The following GLIS3 variants were observed in gnomAD, a reference collection of about 807,000 sequenced individuals.
GLIS3 encodes the protein zinc finger protein GLIS3.
Under a neutral mutation model 78.6 loss-of-function variants are expected in GLIS3, and 53 were observed. That is an observed-to-expected ratio of 0.67 (90% CI 0.54 to 0.85). GLIS3 has a LOEUF of 0.85. Among genes scored for constraint, GLIS3 ranks in the 40% least tolerant of loss-of-function variants. The probability of loss-of-function intolerance (pLI) is 0.00; values close to 1 mark genes in which losing one functional copy is unlikely to be tolerated. For missense variants in GLIS3, 1,703 were observed against 1,231.1 expected (o/e 1.38, Z -5.74); for synonymous variants, 684 against 509.9 (o/e 1.34, Z -4.60).
intron 2 of GLIS3, among the ~76,000 whole-genome samples, chr9:4,222,131 C>G (rs1043476799): frequency 6.6e-6 from 1 of 152,220 alleles, no homozygotes; most frequent in East Asian, 1.9e-4. Context: ...CTCCCTCCCT[C>G]TTCTCCACCA....
the GLIS3 span, among the ~76,000 whole-genome samples, chr9:4,454,787 T>C: frequency 1.3e-5 from 2 of 152,190 alleles, no homozygotes; most frequent in Admixed American, 6.5e-5. Context: ...GGGGAGTTAT[T>C]CAAGAAAGAA....
chr9:4,307,331 A>G (rs1817252040), intron 4 of GLIS3, among the ~76,000 whole-genome samples: 2 of 152,176 alleles, frequency 1.3e-5, no homozygotes, highest in Admixed American at 6.5e-5. Flanking sequence ...AACAAGATCT[A>G]TTGTATAAAT....
intron 10 of GLIS3, 124 bp from the exon 11 acceptor site, chr9:3,828,532 C>G: frequency 8.0e-7 from 1 of 1,242,916 alleles, no homozygotes; most frequent in Admixed American, 1.9e-5. Flanking sequence ...CCATGCCAGC[C>G]TGGGCCCTAT....
the GLIS3 span, among the ~76,000 whole-genome samples, chr9:4,386,016 T>C: frequency 6.6e-6 from 1 of 152,228 alleles, no homozygotes; most frequent in African/African-American, 2.4e-5. Context: ...ATGGCATCTT[T>C]GCTGCCTCAT....
At position 4,162,713 on chromosome 9, in the gene GLIS3, TG is replaced by T. The variant is rs565432371; in HGVS notation, c.389-36773del. Among the ~76,000 whole-genome samples, 662 of 151,798 alleles carry T rather than the reference TG, an allele frequency of 4.4e-3. 7 individuals carry two copies. The highest frequency in any genetic ancestry group is 0.015 in the African/African-American group (626 of 41,334). ...CTATTAAAAAATACAAAAAATAAGC[TG>T]GGCATAGTGGCACACACCTGTAATC... On this transcript the variant is annotated intron_variant, in intron 2 of 10. Coordinates refer to ENST00000381971, the MANE Select transcript of GLIS3 (RefSeq NM_001042413.2).
chr9:3,901,220 G>A (rs189264632), intron 6 of GLIS3: 23 of 182,320 alleles, frequency 1.3e-4, no homozygotes, highest in East Asian at 1.7e-4. Context: ...CGCTCGCACC[G>A]GAGTGAATAA....
Position 4,117,942 on chromosome 9 carries a change from G to A in GLIS3, c.1536C>T (p.Asp512=), listed in dbSNP as rs148199056. The A allele has an allele frequency of 8.7e-6, 14 of 1,613,950 alleles. No individual in the cohort carries two copies. ...TGTGCCGCACGAGCTCCTCCTGCTG[G>A]TCGTACAGGGCGCTGCAGTCGATCC... ...CRWIDCSALY[D]QQEELVRHIE... The change falls in exon 4 of 11, where the codon GAC becomes GAT. Residue 512 remains aspartate, a synonymous_variant. Coordinates refer to ENST00000381971, the MANE Select transcript of GLIS3 (RefSeq NM_001042413.2).
intron 2 of GLIS3, among the ~76,000 whole-genome samples, chr9:4,328,684 T>C (rs561519977): frequency 3.3e-5 from 5 of 152,376 alleles, no homozygotes; most frequent in African/African-American, 1.2e-4. Context: ...TGCCTCTCTA[T>C]AGCTTGTGAC....
intron 4 of GLIS3, among the ~76,000 whole-genome samples, chr9:4,046,598 T>C (rs1429172290): frequency 1.3e-5 from 2 of 152,186 alleles, no homozygotes; most frequent in Non-Finnish European, 2.9e-5. Context: ...TGCATGTGAT[T>C]TTTAGAATTA....
intron 1 of GLIS3, among the ~76,000 whole-genome samples, chr9:4,297,975 C>T (rs1231074903): frequency 6.6e-6 from 1 of 151,748 alleles, no homozygotes; most frequent in Non-Finnish European, 1.5e-5. Flanking sequence ...CAGCGCCCGG[C>T]GGGGTACGCG....
intron 2 of GLIS3, among the ~76,000 whole-genome samples, chr9:4,204,934 T>C (rs1586970640): frequency 2.7e-5 from 4 of 150,636 alleles, no homozygotes; most frequent in Admixed American, 6.6e-5. Flanking sequence ...AAGGAGTCAG[T>C]TGGGAGGCCG....
intron 2 of GLIS3, among the ~76,000 whole-genome samples, chr9:4,254,984 T>C (rs1433645184): frequency 6.6e-6 from 1 of 152,108 alleles, no homozygotes; most frequent in East Asian, 1.9e-4. Context: ...TATTTAAATA[T>C]CCAAAATATA....
intron 2 of GLIS3, among the ~76,000 whole-genome samples, chr9:4,175,654 C>G (rs1816749639): frequency 6.6e-6 from 1 of 152,164 alleles, no homozygotes; most frequent in African/African-American, 2.4e-5. Context: ...ACCCAAGTCC[C>G]CACTGTACTG....
chr9:4,384,843 CAGAT>C, the GLIS3 span, among the ~76,000 whole-genome samples: 3 of 152,118 alleles, frequency 2.0e-5, no homozygotes, highest in African/African-American at 7.2e-5. Flanking sequence ...CAAAACATAT[CAGAT>C]AGAAGACTTT....
intron 4 of GLIS3, among the ~76,000 whole-genome samples, chr9:4,100,256 T>C (rs1406516684): frequency 6.6e-6 from 1 of 152,198 alleles, no homozygotes; most frequent in Non-Finnish European, 1.5e-5. Context: ...CCCCGCTCCC[T>C]GCCAGGGCTG....
chr9:3,851,665 C>T (rs1819440641), intron 9 of GLIS3, among the ~76,000 whole-genome samples: 2 of 147,946 alleles, frequency 1.4e-5, no homozygotes, highest in Admixed American at 1.4e-4. Context: ...GCACGATTAA[C>T]AAAACTTGAT....
chr9:4,477,603 A>T, the GLIS3 span, among the ~76,000 whole-genome samples: 3 of 152,008 alleles, frequency 2.0e-5, no homozygotes, highest in Non-Finnish European at 1.5e-5. Flanking sequence ...TTGTAGAGAT[A>T]AGGTCTCCCT....
chr9:4,265,637 ACT>A (rs1346485464), intron 2 of GLIS3, among the ~76,000 whole-genome samples: 1 of 152,118 alleles, frequency 6.6e-6, no homozygotes, highest in Admixed American at 6.5e-5. Flanking sequence ...AGTCACAAGA[ACT>A]CTTTTATCCA....
the GLIS3 span, among the ~76,000 whole-genome samples, chr9:4,411,436 T>C: frequency 6.6e-6 from 1 of 152,242 alleles, no homozygotes; most frequent in Admixed American, 6.5e-5. Context: ...AATGTTCTTG[T>C]ACATATTTTT....
Sources: allele counts gnomAD v4.1 joint callset (sites outside exome capture counted in the v4.1 genomes callset), GRCh38; gene constraint gnomAD v4.1.1; transcripts MANE v1.5; gene names NCBI Gene and HGNC (gene_info 2026-07-23, HGNC 2026-07-21).